TMPRSS11D: variants seen among roughly 807,000 people sequenced by gnomAD.
The protein encoded by TMPRSS11D is transmembrane protease serine 11D.
In TMPRSS11D, 32 loss-of-function variants were observed where a neutral mutation model predicts 44.4. The observed-to-expected ratio is 0.72, with a 90% confidence interval of 0.54 to 0.97. The LOEUF (loss-of-function observed/expected upper bound fraction) is 0.97, where lower values mean the gene tolerates loss of function less well. TMPRSS11D is among the 50% of genes least tolerant of loss of function. The pLI is 0.00. For missense variants in TMPRSS11D, 446 were observed against 502.6 expected, an observed-to-expected ratio of 0.89 and a Z score of 1.08; for synonymous variants, 179 against 177.9, an observed-to-expected ratio of 1.01 and a Z score of -0.05.
chr4:67,833,477 CT>C, intron 6 of TMPRSS11D, 96 bp from the exon 7 acceptor site: 1 of 1,150,510 alleles, frequency 8.7e-7, no homozygotes, highest in Non-Finnish European at 1.2e-6. Flanking sequence ...ACTTTTATGT[CT>C]TATACATTCT....
intron 3 of TMPRSS11D, among the ~76,000 whole-genome samples, chr4:67,850,135 T>G (rs934580498): frequency 6.6e-6 from 1 of 152,152 alleles, no homozygotes; most frequent in African/African-American, 2.4e-5. Flanking sequence ...CAAAGATTAC[T>G]TACAGAAAGA....
intron 1 of TMPRSS11D, among the ~76,000 whole-genome samples, chr4:67,874,752 A>G (rs1489561072): frequency 6.6e-6 from 1 of 152,214 alleles, no homozygotes; most frequent in Non-Finnish European, 1.5e-5. Flanking sequence ...AGAGGAGATG[A>G]TAGAGTAGGG....
intron 1 of TMPRSS11D, among the ~76,000 whole-genome samples, chr4:67,881,213 C>T (rs1008659692): frequency 3.3e-5 from 5 of 152,096 alleles, no homozygotes; most frequent in Non-Finnish European, 5.9e-5. Flanking sequence ...TTCCTTATGA[C>T]TTATTTTAGG....
rs568170182 is a variant in TMPRSS11D, at chr4:67,829,289, C to G, written c.693-1769G>C. 1.3e-4 allele frequency among the ~76,000 whole-genome samples: 19 copies of G among 151,954 alleles called. No individual in the cohort carries two copies. In the South Asian group the frequency reaches 4.0e-3, roughly 32 times the overall value. ...CAAAAGTGTCTTGAACTTGAAGGAG[C>G]TTATGTTGAGAAATAAAGTTTATAA... On this transcript the variant is annotated intron_variant, in intron 7 of 9. Coordinates refer to ENST00000283916, the MANE Select transcript of TMPRSS11D (RefSeq NM_004262.3).
chr4:67,871,703 A>C (rs187945175), intron 1 of TMPRSS11D, among the ~76,000 whole-genome samples: 2 of 152,160 alleles, frequency 1.3e-5, no homozygotes, highest in Non-Finnish European at 2.9e-5. Context: ...ACATCTGCCC[A>C]AAGTGTGGAT....
intron 3 of TMPRSS11D, among the ~76,000 whole-genome samples, chr4:67,849,075 G>A (rs1405246971): frequency 6.6e-6 from 1 of 152,144 alleles, no homozygotes; most frequent in Non-Finnish European, 1.5e-5. Context: ...GAGGTGAATG[G>A]ATTTGAAGGA....
intron 3 of TMPRSS11D, among the ~76,000 whole-genome samples, chr4:67,844,404 A>G (rs1000440029): frequency 3.9e-5 from 6 of 152,168 alleles, no homozygotes; most frequent in African/African-American, 1.4e-4. Flanking sequence ...AAGAACAATG[A>G]GACTGTTGGT....
At chr4:67,843,827 G>A (rs1406755934) in intron 3 of TMPRSS11D, among the ~76,000 whole-genome samples, 1 of 152,218 alleles carries the variant, frequency 6.6e-6, no homozygotes, top group African/African-American at 2.4e-5. Flanking sequence ...GGAGGCTGAG[G>A]CAGGAGAATC....
intron 9 of TMPRSS11D, among the ~76,000 whole-genome samples, chr4:67,822,967 TTTG>T (rs1189051740): frequency 1.3e-5 from 2 of 152,196 alleles, no homozygotes; most frequent in Non-Finnish European, 2.9e-5. Flanking sequence ...TTTTTGTTTG[TTTG>T]TTTTGTTCTG....
chr4:67,876,248 AT>A lies in TMPRSS11D; in HGVS notation c.8+7677del, dbSNP rs1270743178. On this transcript the variant is annotated intron_variant, in intron 1 of 9. Transcript: ENST00000283916. ...AACCTCTCTGAACCTTAGTTTCCTCATTCATAAAATGGAGATAGTCACATGC... is the reference window on the plus strand; with the variant it reads ...AACCTCTCTGAACCTTAGTTTCCTCATCATAAAATGGAGATAGTCACATGC... 1.4e-4 allele frequency among the ~76,000 whole-genome samples: 21 copies of A among 152,286 alleles called. No individual in the cohort carries two copies. The East Asian group carries it at 3.7e-3, about 27-fold the overall frequency.
At position 67,881,105 on chromosome 4, in the gene TMPRSS11D, C is replaced by G. The variant is rs185977446; in HGVS notation, c.8+2821G>C. ...GAAATCATGCCAAGTCTTCTTTGCT[C>G]AAAAGAATGGGATCCTTCAAATGGG... On this transcript the variant is annotated intron_variant, in intron 1 of 9. Transcript: ENST00000283916. 2.8e-3 allele frequency among the ~76,000 whole-genome samples: 432 copies of G among 152,252 alleles called. 4 individuals carry two copies. The highest frequency in any genetic ancestry group is 9.9e-3 in the African/African-American group (413 of 41,556).
intron 1 of TMPRSS11D, chr4:67,860,328 TCA>T (rs1227893437): frequency 6.6e-6 from 1 of 152,132 alleles, no homozygotes; most frequent in African/African-American, 2.4e-5. Context: ...TAATACATAG[TCA>T]CACACACTGA....
At chr4:67,858,807 T>C (rs1238926704) in intron 2 of TMPRSS11D, among the ~76,000 whole-genome samples, 1 of 152,136 alleles carries the variant, frequency 6.6e-6, no homozygotes, top group Non-Finnish European at 1.5e-5. Flanking sequence ...ATTTGACACA[T>C]TTTACATATC....
At chr4:67,883,170 C>G (rs534376013) in intron 1 of TMPRSS11D, among the ~76,000 whole-genome samples, 32 of 152,052 alleles carry the variant, frequency 2.1e-4, no homozygotes, top group African/African-American at 7.5e-4. Context: ...TTTTGTTGAT[C>G]CTTTCAGCAT....
intron 9 of TMPRSS11D, among the ~76,000 whole-genome samples, chr4:67,825,520 T>C (rs1166953938): frequency 6.6e-6 from 1 of 152,170 alleles, no homozygotes; most frequent in African/African-American, 2.4e-5. Flanking sequence ...GATGGTTAAC[T>C]ACTCTGTAAT....
intron 1 of TMPRSS11D, among the ~76,000 whole-genome samples, chr4:67,874,294 G>T (rs181659815): frequency 1.5e-5 from 2 of 137,316 alleles, no homozygotes; most frequent in African/African-American, 5.4e-5. Context: ...CGCATGACTG[G>T]TGGATCCATG....
At chr4:67,873,957 C>G (rs941897527) in intron 1 of TMPRSS11D, among the ~76,000 whole-genome samples, 6 of 152,154 alleles carry the variant, frequency 3.9e-5, no homozygotes, top group Admixed American at 3.3e-4. Context: ...TATAGAACTA[C>G]AGTCATGAAA....
intron 7 of TMPRSS11D, among the ~76,000 whole-genome samples, chr4:67,829,356 C>T (rs1348728754): frequency 1.3e-5 from 2 of 150,832 alleles, no homozygotes; most frequent in African/African-American, 2.4e-5. Context: ...ATAAACTTAT[C>T]GAACTCCCCT....
Position 67,825,894 on chromosome 4 carries a change from G to C in TMPRSS11D, c.953-20C>G, listed in dbSNP as rs372911322. 215 of 1,588,478 alleles carry C rather than the reference G, an allele frequency of 1.4e-4. 2 individuals carry two copies. The African/African-American group carries it at 2.1e-3, about 16-fold the overall frequency. On this transcript the variant is annotated intron_variant, in intron 8 of 9. Coordinates refer to ENST00000283916, the MANE Select transcript of TMPRSS11D (RefSeq NM_004262.3). ...TGTGGCCTGTTTGTTATAAAAGCAG[G>C]AAAAAAATGGACTTCAAGATGTGTA...
Sources: gnomAD v4.1 joint callset for allele counts (sites outside exome capture counted in the v4.1 genomes callset) on GRCh38, gnomAD v4.1.1 for gene constraint, MANE v1.5 for transcripts, NCBI Gene and HGNC (gene_info 2026-07-23, HGNC 2026-07-21) for gene names.